GATM: variants seen among roughly 807,000 people sequenced by gnomAD.
GATM encodes glycine amidinotransferase, also known as glycine amidinotransferase, mitochondrial.
A neutral mutation model predicts 54.2 loss-of-function variants in GATM; 23 were observed. That is an observed-to-expected ratio of 0.42 (90% CI 0.31 to 0.60). The LOEUF is 0.60. Ranked by LOEUF, GATM falls within the 20% of genes least tolerant of loss-of-function variation. The pLI is 0.14. For synonymous variants in GATM, 168 were observed against 183.1 expected, an observed-to-expected ratio of 0.92 and a Z score of 0.67; for missense variants, 401 against 544.9, an observed-to-expected ratio of 0.74 and a Z score of 2.63.
chr15:45,364,985 A>C, intron 6 of GATM, 125 bp from the exon 7 acceptor site: 2 of 771,514 alleles, frequency 2.6e-6, no homozygotes, highest in Non-Finnish European at 4.3e-6. Flanking sequence ...TTCCAAAAGA[A>C]AGAAATTAAA....
intron 2 of GATM, among the ~76,000 whole-genome samples, chr15:45,376,074 T>C (rs757007099): frequency 3.3e-5 from 5 of 152,176 alleles, no homozygotes; most frequent in Non-Finnish European, 5.9e-5. Context: ...GTGTTTTAGC[T>C]TGATTAAATA....
chr15:45,400,101 A>G (rs1889981104), intron 1 of GATM, among the ~76,000 whole-genome samples: 1 of 152,196 alleles, frequency 6.6e-6, no homozygotes, highest in African/African-American at 2.4e-5. Context: ...AGGCACCTGT[A>G]ATCCCAGCTA....
At chr15:45,401,667 T>C (rs764328015) in intron 1 of GATM, among the ~76,000 whole-genome samples, 2 of 152,204 alleles carry the variant, frequency 1.3e-5, no homozygotes, top group African/African-American at 2.4e-5. Flanking sequence ...ACAGTAAGCA[T>C]TGATCGCATG....
At chr15:45,375,314 C>T (rs1333227082) in intron 2 of GATM, among the ~76,000 whole-genome samples, 1 of 152,162 alleles carries the variant, frequency 6.6e-6, no homozygotes, top group African/African-American at 2.4e-5. Context: ...CGTGATCCAC[C>T]CGCCTCAGCC....
intron 6 of GATM, among the ~76,000 whole-genome samples, chr15:45,365,621 G>A (rs1889435603): frequency 6.6e-6 from 1 of 152,330 alleles, no homozygotes; most frequent in East Asian, 1.9e-4. Flanking sequence ...TCCCTACAGA[G>A]CAGGGTTGGC....
chr15:45,381,513 A>G (rs1299688145), upstream of GATM, among the ~76,000 whole-genome samples: 1 of 152,244 alleles, frequency 6.6e-6, no homozygotes, highest in Non-Finnish European at 1.5e-5. Context: ...TGGATTAACA[A>G]AATAAACAAC....
At chr15:45,391,359 C>T (rs980873650) in intron 3 of GATM, among the ~76,000 whole-genome samples, 10 of 152,144 alleles carry the variant, frequency 6.6e-5, no homozygotes, top group African/African-American at 1.7e-4. Flanking sequence ...TTGCATTGAG[C>T]CAAGATCGTG....
chr15:45,401,939 C>G (rs16942796), exon 1 of GATM: 12,158 of 156,510 alleles, frequency 0.078, 1,611 homozygotes, highest in African/African-American at 0.27. Flanking sequence ...GCCAAGTCAC[C>G]TGAGACATTT....
At chr15:45,376,109 G>A (rs958817084) in intron 2 of GATM, among the ~76,000 whole-genome samples, 2 of 152,198 alleles carry the variant, frequency 1.3e-5, no homozygotes, top group African/African-American at 2.4e-5. Flanking sequence ...TAAAAGGCAG[G>A]AATGAGGAGG....
At chr15:45,401,581 T>C (rs1197506376) in intron 1 of GATM, among the ~76,000 whole-genome samples, 2 of 150,394 alleles carry the variant, frequency 1.3e-5, no homozygotes, top group Non-Finnish European at 3.0e-5. Flanking sequence ...AAAAAAAAAA[T>C]AGCAGGCAGT....
At chr15:45,367,059 C>T (rs1889461607) in intron 4 of GATM, among the ~76,000 whole-genome samples, 1 of 152,098 alleles carries the variant, frequency 6.6e-6, no homozygotes, top group Admixed American at 6.5e-5. Context: ...AAATGGTACA[C>T]ACCAGGTGAG....
chr15:45,400,436 A>G (rs2486271), intron 1 of GATM, among the ~76,000 whole-genome samples: 20,835 of 152,170 alleles, frequency 0.14, 4,696 homozygotes, highest in African/African-American at 0.47. Flanking sequence ...CCAGTAACAG[A>G]ATTCCTTGTT....
At chr15:45,399,870 T>A (rs538739887) in intron 1 of GATM, among the ~76,000 whole-genome samples, 3,457 of 152,262 alleles carry the variant, frequency 0.023, 146 homozygotes, top group African/African-American at 0.079. Context: ...ATTAACAAAT[T>A]TCTGGTCAGA....
At chr15:45,393,410 C>CTA (rs1889892338) in intron 3 of GATM, among the ~76,000 whole-genome samples, 1 of 135,628 alleles carries the variant, frequency 7.4e-6, no homozygotes, top group South Asian at 2.4e-4. Flanking sequence ...GTTCTCTCAA[C>CTA]TATAAATTAA....
intron 2 of GATM, among the ~76,000 whole-genome samples, chr15:45,373,648 T>C (rs190101310): frequency 7.9e-5 from 12 of 152,304 alleles, no homozygotes; most frequent in Admixed American, 7.2e-4. Flanking sequence ...CTAGTACTTA[T>C]ATCTTCCAAC....
intron 8 of GATM, among the ~76,000 whole-genome samples, chr15:45,363,349 T>C (rs1034946365): frequency 6.6e-6 from 1 of 152,162 alleles, no homozygotes; most frequent in African/African-American, 2.4e-5. Context: ...ACTAGAATCA[T>C]TGGTCTAAAT....
chr15:45,378,420 GGCTCCCGCCGCGCAGACACCGCACCCGCA>G lies in GATM; in HGVS notation c.5_33del (p.Leu2ProfsTer42). The G allele has an allele frequency of 1.3e-6, 2 of 1,504,420 alleles. No homozygotes were observed. The highest frequency in any genetic ancestry group is 1.4e-5 in the African/African-American group (1 of 69,320). 93.2% of individuals were successfully genotyped at this position (1,504,420 alleles called of 1,614,324 possible). A position where few individuals can be genotyped will look rare whatever the true frequency, so the allele number is the denominator to read the frequency against. On this transcript the variant is annotated frameshift_variant, in exon 1 of 9. Coordinates refer to ENST00000396659, the MANE Select transcript of GATM (RefSeq NM_001482.3). LOFTEE classifies it high-confidence loss of function. ...ATGTAGTGCACCGCCTCGGCGCCGC[GGCTCCCGCCGCGCAGACACCGCACCCGCA>G]GCATCGCCCTGGCCCGGCTGGTCCA...
At chr15:45,388,885 G>C (rs1046293221) in intron 3 of GATM, among the ~76,000 whole-genome samples, 5 of 152,104 alleles carry the variant, frequency 3.3e-5, no homozygotes, top group Admixed American at 3.3e-4. Context: ...AACTCCCCTG[G>C]AAAGGAAGAG....
At chr15:45,375,103 C>T (rs569275992) in intron 2 of GATM, among the ~76,000 whole-genome samples, 23 of 152,242 alleles carry the variant, frequency 1.5e-4, no homozygotes, top group Non-Finnish European at 2.5e-4. Flanking sequence ...TGGAGTCTCA[C>T]TCTGTTGCTC....
Sources: allele counts gnomAD v4.1 joint callset (sites outside exome capture counted in the v4.1 genomes callset), GRCh38; gene constraint gnomAD v4.1.1; transcripts MANE v1.5; gene names NCBI Gene and HGNC (gene_info 2026-07-23, HGNC 2026-07-21).